Variants in SLC25A21 observed in about 807,000 individuals in gnomAD.
SLC25A21 encodes mitochondrial 2-oxodicarboxylate carrier.
In SLC25A21, 47 loss-of-function variants were observed where a neutral mutation model predicts 43.8. The observed-to-expected ratio is 1.07, with a 90% CI of 0.85 to 1.37. SLC25A21 has a LOEUF of 1.37. SLC25A21 is among the 40% of genes most tolerant of loss of function. The pLI is 0.00. For synonymous variants in SLC25A21, 131 were observed against 121.3 expected (o/e 1.08, Z -0.52); for missense variants, 352 against 350.2 (o/e 1.00, Z -0.04).
At chr14:36,904,011 G>A (rs1891467188) in intron 1 of SLC25A21, among the ~76,000 whole-genome samples, 1 of 152,204 alleles carries the variant, frequency 6.6e-6, no homozygotes, top group African/African-American at 2.4e-5. Context: ...GGCAATTGAG[G>A]ACAAACTGTC....
chr14:37,052,605 A>G (rs1370292679), intron 1 of SLC25A21, among the ~76,000 whole-genome samples: 1 of 152,030 alleles, frequency 6.6e-6, no homozygotes, highest in Non-Finnish European at 1.5e-5. Flanking sequence ...ATAATTAATA[A>G]CCATGTACAT....
At chr14:36,874,888 A>G (rs1230568787) in intron 2 of SLC25A21, 68 bp downstream of exon 2, 13 of 1,335,666 alleles carry the variant, frequency 9.7e-6, no homozygotes, top group Non-Finnish European at 1.4e-5. Flanking sequence ...CCTAGCATTT[A>G]GTGCTCTGAC....
At chr14:37,136,908 G>C (rs543257743) in intron 1 of SLC25A21, among the ~76,000 whole-genome samples, 1 of 152,282 alleles carries the variant, frequency 6.6e-6, no homozygotes, top group East Asian at 1.9e-4. Flanking sequence ...AGGGCAGGGG[G>C]AATGGGGAGA....
intron 1 of SLC25A21, among the ~76,000 whole-genome samples, chr14:36,982,719 T>C: frequency 6.6e-6 from 1 of 151,904 alleles, no homozygotes; most frequent in South Asian, 2.1e-4. Context: ...GGGGGTGAGA[T>C]GGGAGGATCG....
chr14:36,821,034 T>G (rs1220791820), intron 2 of SLC25A21, among the ~76,000 whole-genome samples: 1 of 152,212 alleles, frequency 6.6e-6, no homozygotes, highest in Non-Finnish European at 1.5e-5. Context: ...TAGATGTTGC[T>G]CCTACAGAGT....
At chr14:36,854,620 T>A (rs1889843378) in intron 2 of SLC25A21, among the ~76,000 whole-genome samples, 1 of 152,194 alleles carries the variant, frequency 6.6e-6, no homozygotes, top group Non-Finnish European at 1.5e-5. Flanking sequence ...TTGCTAGTGA[T>A]TTTTATTACC....
At chr14:36,764,166 AAGAAAGAAAGAAAGAAAGAAAGAAAGAG>A (rs1566588211) in intron 3 of SLC25A21, among the ~76,000 whole-genome samples, 12 of 71,206 alleles carry the variant, frequency 1.7e-4, no homozygotes, top group Admixed American at 5.2e-4. Context: ...GAAAGAAAGA[AAGAAAGAAAGAAAGAAAGAAAGAAAGAG>A]AAAGAAAGAA....
chr14:36,973,392 C>T (rs1296579428), intron 1 of SLC25A21, among the ~76,000 whole-genome samples: 1 of 152,096 alleles, frequency 6.6e-6, no homozygotes, highest in African/African-American at 2.4e-5. Flanking sequence ...AGGCTGCCTC[C>T]GTGGGGTGTG....
chr14:36,869,714 C>T (rs569445096), intron 2 of SLC25A21, among the ~76,000 whole-genome samples: 1 of 152,278 alleles, frequency 6.6e-6, no homozygotes, highest in Middle Eastern at 3.4e-3. Flanking sequence ...TGGCCCCATA[C>T]CAGAAACAAG....
chr14:36,683,692 T>C lies in SLC25A21; in HGVS notation c.838+136A>G, dbSNP rs1276220390. ...ATGTCTTCAGTATCTCAAATACTCA[T>C]AGACAACTTTATATTCTCAAGGTTT... On this transcript the variant is annotated intron_variant, in intron 9 of 9. Transcript: ENST00000331299. The C allele has an allele frequency of 7.0e-6, 4 of 569,456 alleles. No individual in the cohort carries two copies. The Admixed American group carries it at 1.0e-4, about 14-fold the overall frequency. 35.3% of individuals were successfully genotyped at this position (569,456 alleles called of 1,614,324 possible). A position where few individuals can be genotyped will look rare whatever the true frequency, so the allele number is the denominator to read the frequency against.
intron 2 of SLC25A21, among the ~76,000 whole-genome samples, chr14:36,845,702 T>C (rs1046072138): frequency 1.3e-5 from 2 of 152,264 alleles, no homozygotes; most frequent in South Asian, 2.1e-4. Context: ...TTTCAACAAA[T>C]AGGACTTGCT....
At chr14:37,053,525 TAATGGAGAA>T (rs1413511513) in intron 1 of SLC25A21, among the ~76,000 whole-genome samples, 1 of 152,222 alleles carries the variant, frequency 6.6e-6, no homozygotes. Flanking sequence ...AACAATTTTT[TAATGGAGAA>T]AATGGAGAAA....
chr14:36,813,314 T>C (rs1467094890), intron 3 of SLC25A21, among the ~76,000 whole-genome samples: 1 of 152,198 alleles, frequency 6.6e-6, no homozygotes, highest in South Asian at 2.1e-4. Flanking sequence ...TGTAAACAAA[T>C]ATTCTATTTA....
chr14:37,017,415 C>T (rs1268878654), intron 1 of SLC25A21, among the ~76,000 whole-genome samples: 1 of 152,046 alleles, frequency 6.6e-6, no homozygotes, highest in Admixed American at 6.6e-5. Context: ...TTTACATGTA[C>T]ATGGTTCATG....
chr14:37,103,599 G>A (rs1962857320), intron 1 of SLC25A21, among the ~76,000 whole-genome samples: 1 of 152,226 alleles, frequency 6.6e-6, no homozygotes, highest in Non-Finnish European at 1.5e-5. Context: ...AGCAGGCTGA[G>A]TGGGTATTCA....
chr14:36,798,902 A>AAGAGAGAG lies in SLC25A21; in HGVS notation c.203+15008_203+15015dup, dbSNP rs10637597. Among the ~76,000 whole-genome samples, 423 of 150,874 alleles carry AAGAGAGAG rather than the reference A, an allele frequency of 2.8e-3. 2 individuals carry two copies. Among genetic ancestry groups the AAGAGAGAG allele is most frequent in the Admixed American group, 0.013 (203 of 15,048 alleles). ...CTCTTTTTCTTCTAATAGGGAGAGA[A>AAGAGAGAG]AGAGAGAGAGAGAGACAGAGAGAGA... is the stretch of plus-strand genomic sequence containing the variant. On this transcript the variant is annotated intron_variant, in intron 3 of 9. Coordinates refer to ENST00000331299, the MANE Select transcript of SLC25A21 (RefSeq NM_030631.4).
At chr14:37,063,110 A>G (rs540109816) in intron 1 of SLC25A21, among the ~76,000 whole-genome samples, 1 of 152,244 alleles carries the variant, frequency 6.6e-6, no homozygotes, top group Non-Finnish European at 1.5e-5. Flanking sequence ...CTAACTCACT[A>G]TCAAGAAAAC....
chr14:36,900,137 C>T (rs1333908395), intron 1 of SLC25A21, among the ~76,000 whole-genome samples: 1 of 151,916 alleles, frequency 6.6e-6, no homozygotes, highest in African/African-American at 2.4e-5. Flanking sequence ...GCTTTATTCA[C>T]TCCTGCTTCA....
intron 1 of SLC25A21, among the ~76,000 whole-genome samples, chr14:37,121,249 A>G (rs908726200): frequency 1.3e-5 from 2 of 152,168 alleles, no homozygotes; most frequent in African/African-American, 4.8e-5. Context: ...GAATGGTTAC[A>G]TCCAGTTATT....
Sources: gnomAD v4.1 joint callset for allele counts (sites outside exome capture counted in the v4.1 genomes callset) on GRCh38, gnomAD v4.1.1 for gene constraint, MANE v1.5 for transcripts, NCBI Gene and HGNC (gene_info 2026-07-23, HGNC 2026-07-21) for gene names.